The following NRG1 variants were observed in gnomAD, a reference collection of about 807,000 sequenced individuals.
The protein encoded by NRG1 is pro-neuregulin-1, membrane-bound isoform.
In NRG1, 18 loss-of-function variants were observed where a neutral mutation model predicts 63.8. That is an observed-to-expected ratio of 0.28 (90% CI 0.19 to 0.42). NRG1 has a LOEUF of 0.42. NRG1 is among the 10% of genes least tolerant of loss of function. The probability of loss-of-function intolerance (pLI) is 1.00; values close to 1 mark genes in which losing one functional copy is unlikely to be tolerated. For synonymous variants in NRG1, 302 were observed against 301.3 expected, an observed-to-expected ratio of 1.00 and a Z score of -0.02; for missense variants, 762 against 814.7, an observed-to-expected ratio of 0.94 and a Z score of 0.79.
At chr8:32,083,305 C>T (rs144445377) in intron 1 of NRG1, among the ~76,000 whole-genome samples, 32 of 152,216 alleles carry the variant, frequency 2.1e-4, no homozygotes, top group Middle Eastern at 6.8e-3. Context: ...TTATTAAAAT[C>T]GGGAGAAAAA....
intron 1 of NRG1, among the ~76,000 whole-genome samples, chr8:32,267,731 T>A (rs1464475263): frequency 1.3e-5 from 2 of 152,180 alleles, no homozygotes; most frequent in African/African-American, 4.8e-5. Flanking sequence ...ATAATCTCAG[T>A]TTCAGGAATT....
At chr8:31,740,493 T>G (rs1227736044) in intron 1 of NRG1, among the ~76,000 whole-genome samples, 5 of 152,052 alleles carry the variant, frequency 3.3e-5, no homozygotes, top group African/African-American at 1.2e-4. Flanking sequence ...TAATTCTTAC[T>G]ATTTTTAAAT....
intron 1 of NRG1, among the ~76,000 whole-genome samples, chr8:31,712,255 CTTTT>C (rs57363109): frequency 5.5e-4 from 40 of 72,316 alleles, no homozygotes; most frequent in African/African-American, 2.2e-3. Context: ...TCTTCATGAT[CTTTT>C]TTTTTTTTTT....
At chr8:32,357,151 G>A (rs551583782) in intron 1 of NRG1, among the ~76,000 whole-genome samples, 5 of 152,280 alleles carry the variant, frequency 3.3e-5, no homozygotes, top group African/African-American at 1.2e-4. Context: ...GAGCAACTGA[G>A]CCCCCATACA....
intron 1 of NRG1, among the ~76,000 whole-genome samples, chr8:31,888,156 C>T (rs116734652): frequency 0.015 from 2,315 of 151,762 alleles, 66 homozygotes; most frequent in South Asian, 0.12. Context: ...TGTCTATGTA[C>T]AAAAAGATAG....
At chr8:31,764,991 T>C (rs1020352184) in intron 1 of NRG1, among the ~76,000 whole-genome samples, 2 of 150,970 alleles carry the variant, frequency 1.3e-5, no homozygotes, top group East Asian at 4.0e-4. Flanking sequence ...TATGCGGTGT[T>C]TGATCTTCTT....
At chr8:32,523,519 AT>A (rs1386417540) in intron 1 of NRG1, among the ~76,000 whole-genome samples, 2 of 152,212 alleles carry the variant, frequency 1.3e-5, no homozygotes, top group African/African-American at 4.8e-5. Flanking sequence ...ACACTGGTAG[AT>A]TTAACCCACA....
intron 1 of NRG1, among the ~76,000 whole-genome samples, chr8:32,378,199 C>G (rs1280883345): frequency 6.6e-6 from 1 of 152,056 alleles, no homozygotes; most frequent in Admixed American, 6.6e-5. Flanking sequence ...GCCAGCTAGA[C>G]ATGTTGTGGG....
chr8:31,754,244 A>G (rs1282142481), intron 1 of NRG1, among the ~76,000 whole-genome samples: 2 of 152,080 alleles, frequency 1.3e-5, no homozygotes, highest in East Asian at 1.9e-4. Context: ...CTAATTCCCA[A>G]TGTTGGAGGT....
At chr8:32,616,988 A>C (rs1847489532) in intron 5 of NRG1, 103 bp downstream of exon 5, 1 of 870,192 alleles carries the variant, frequency 1.1e-6, no homozygotes, top group African/African-American at 1.7e-5. Context: ...TAAGGGTCAG[A>C]GTATTGAGTT....
chr8:32,644,484 T>C (rs971974812), intron 5 of NRG1, among the ~76,000 whole-genome samples: 2 of 152,188 alleles, frequency 1.3e-5, no homozygotes, highest in African/African-American at 2.4e-5. Flanking sequence ...GTAGAACTAA[T>C]GGAGAATTCT....
At chr8:32,618,857 T>G (rs939851310) in intron 5 of NRG1, among the ~76,000 whole-genome samples, 1 of 152,124 alleles carries the variant, frequency 6.6e-6, no homozygotes, top group African/African-American at 2.4e-5. Flanking sequence ...AAGGTAAGTC[T>G]CATTAAATTG....
At chr8:32,326,070 C>T (rs550078661) in intron 1 of NRG1, among the ~76,000 whole-genome samples, 3 of 149,120 alleles carry the variant, frequency 2.0e-5, no homozygotes, top group South Asian at 4.2e-4. Context: ...GGTGCAATGG[C>T]GTGATCTAGG....
intron 1 of NRG1, among the ~76,000 whole-genome samples, chr8:32,350,894 G>A (rs998877056): frequency 6.6e-5 from 10 of 152,002 alleles, no homozygotes; most frequent in Non-Finnish European, 8.8e-5. Context: ...CGGTGTCCAC[G>A]CCCCACTCAG....
chr8:32,257,502 T>C (rs553728439), intron 1 of NRG1, among the ~76,000 whole-genome samples: 1 of 152,352 alleles, frequency 6.6e-6, no homozygotes, highest in South Asian at 2.1e-4. Context: ...CAAATATATA[T>C]AACATGTGGA....
intron 1 of NRG1, among the ~76,000 whole-genome samples, chr8:32,144,160 G>A (rs905017338): frequency 3.3e-5 from 5 of 152,124 alleles, no homozygotes; most frequent in African/African-American, 1.2e-4. Context: ...GAGAGACAAA[G>A]CAACACAGCT....
chr8:32,086,638 A>G (rs1423946077), intron 1 of NRG1, among the ~76,000 whole-genome samples: 2 of 152,216 alleles, frequency 1.3e-5, no homozygotes, highest in South Asian at 2.1e-4. Flanking sequence ...CAAAGATCAA[A>G]ATTTCTGCAT....
At chr8:32,106,644 AT>A (rs1326595215) in intron 1 of NRG1, among the ~76,000 whole-genome samples, 1 of 152,200 alleles carries the variant, frequency 6.6e-6, no homozygotes, top group African/African-American at 2.4e-5. Flanking sequence ...TAATATGACT[AT>A]TTTAATAAAA....
intron 5 of NRG1, among the ~76,000 whole-genome samples, chr8:32,681,337 A>G (rs1808564175): frequency 6.6e-6 from 1 of 152,172 alleles, no homozygotes; most frequent in Non-Finnish European, 1.5e-5. Context: ...TTCTTGTATC[A>G]TCAGTGAGCC....
Sources: gnomAD v4.1 joint callset for allele counts (sites outside exome capture counted in the v4.1 genomes callset) on GRCh38, gnomAD v4.1.1 for gene constraint, MANE v1.5 for transcripts, NCBI Gene and HGNC (gene_info 2026-07-23, HGNC 2026-07-21) for gene names.